Variants in SLC2A13 observed in about 807,000 individuals in gnomAD.
SLC2A13 encodes the protein solute carrier family 2 member 13.
SLC2A13 carries 32 observed loss-of-function variants against 64.4 expected under a neutral mutation model. The observed-to-expected ratio is 0.50, with a 90% CI of 0.37 to 0.67. The LOEUF is 0.67. SLC2A13 is among the 30% of genes least tolerant of loss of function. The pLI, the probability that SLC2A13 is intolerant of heterozygous loss-of-function variation, is 0.00. For missense variants in SLC2A13, 743 were observed against 829.2 expected (o/e 0.90, Z 1.28); for synonymous variants, 338 against 327.1 (o/e 1.03, Z -0.36).
chr12:39,978,801 C>T (rs572536225), intron 3 of SLC2A13, among the ~76,000 whole-genome samples: 3 of 152,066 alleles, frequency 2.0e-5, no homozygotes, highest in Non-Finnish European at 2.9e-5. Context: ...CCTGGAAGCT[C>T]GAACTGGGTG....
chr12:39,907,717 G>A (rs1221353712), intron 4 of SLC2A13: 2 of 151,306 alleles, frequency 1.3e-5, no homozygotes, highest in Admixed American at 6.7e-5. Flanking sequence ...CCTCTGACCT[G>A]TGAAACAGGA....
chr12:39,902,730 C>T (rs1216393978), intron 4 of SLC2A13, among the ~76,000 whole-genome samples: 1 of 151,646 alleles, frequency 6.6e-6, no homozygotes, highest in African/African-American at 2.4e-5. Context: ...CCTTTAGACA[C>T]TAAGATTAAA....
At chr12:39,880,427 G>A (rs1230407970) in intron 4 of SLC2A13, among the ~76,000 whole-genome samples, 2 of 152,056 alleles carry the variant, frequency 1.3e-5, no homozygotes, top group African/African-American at 2.4e-5. Flanking sequence ...ATTATAACAT[G>A]CAAGACATAA....
rs1939264791 is a variant in SLC2A13, at chr12:40,105,171, G to T, written c.556+82C>A. ...CCCTGGGAGACCAGACGGGGACCCC[G>T]ATGGGCAAGAGGCACGCAACACCCA... On this transcript the variant is annotated intron_variant, in intron 1 of 9. Transcript: ENST00000280871. This position sits in a 1 kb window ranked among gnomAD's most constrained non-coding sequence, Gnocchi z 4.2. 7.3e-7 allele frequency: 1 copy of T among 1,367,122 alleles called. No individual in the cohort carries two copies. 84.7% of individuals were successfully genotyped at this position (1,367,122 alleles called of 1,614,324 possible). A position where few individuals can be genotyped will look rare whatever the true frequency, so the allele number is the denominator to read the frequency against.
At chr12:39,785,745 A>C (rs1294367802) in intron 7 of SLC2A13, among the ~76,000 whole-genome samples, 1 of 152,126 alleles carries the variant, frequency 6.6e-6, no homozygotes, top group Admixed American at 6.5e-5. Context: ...GCCCAAGACC[A>C]TGGGAACCCA....
At chr12:39,865,477 T>A (rs936250231) in intron 5 of SLC2A13, among the ~76,000 whole-genome samples, 7 of 152,202 alleles carry the variant, frequency 4.6e-5, no homozygotes, top group Non-Finnish European at 8.8e-5. Context: ...CCTGTTGGTA[T>A]TTGAAAGTGA....
intron 4 of SLC2A13, among the ~76,000 whole-genome samples, chr12:39,893,169 G>A (rs1944653734): frequency 6.6e-6 from 1 of 152,130 alleles, no homozygotes; most frequent in African/African-American, 2.4e-5. Context: ...AACATATTCA[G>A]TCATTTAAAT....
intron 7 of SLC2A13, among the ~76,000 whole-genome samples, chr12:39,796,912 G>A (rs575201187): frequency 6.6e-5 from 10 of 152,266 alleles, no homozygotes; most frequent in Admixed American, 3.3e-4. Context: ...AAGTGAAGCT[G>A]CTTATTAAAG....
At chr12:39,772,130 A>C (rs1364373962) in intron 7 of SLC2A13, among the ~76,000 whole-genome samples, 1 of 152,006 alleles carries the variant, frequency 6.6e-6, no homozygotes, top group Non-Finnish European at 1.5e-5. Flanking sequence ...ATATTAATAT[A>C]CTCCTTCTTC....
intron 4 of SLC2A13, among the ~76,000 whole-genome samples, chr12:39,903,178 G>C (rs1296941269): frequency 6.6e-6 from 1 of 152,096 alleles, no homozygotes; most frequent in African/African-American, 2.4e-5. Flanking sequence ...AATCTGAATA[G>C]CATTATGAAC....
chr12:39,963,648 A>C (rs1946455237), intron 3 of SLC2A13, among the ~76,000 whole-genome samples: 2 of 152,214 alleles, frequency 1.3e-5, no homozygotes, highest in Admixed American at 6.5e-5. Context: ...GCTCCCAAGA[A>C]ATCAAGTATT....
intron 4 of SLC2A13, among the ~76,000 whole-genome samples, chr12:39,935,310 T>C (rs1370518177): frequency 6.6e-6 from 1 of 152,236 alleles, no homozygotes; most frequent in Admixed American, 6.5e-5. Context: ...TTATAGCCTG[T>C]CACTAATTCT....
chr12:39,891,594 G>C (rs749877619), intron 4 of SLC2A13, among the ~76,000 whole-genome samples: 4 of 152,134 alleles, frequency 2.6e-5, no homozygotes, highest in Non-Finnish European at 4.4e-5. Flanking sequence ...GATTAAGGCA[G>C]GAACTTGGAA....
In SLC2A13 at chr12:39,995,667, T is replaced by C. The variant is rs76069103; in HGVS notation, c.925+32634A>G. On this transcript the variant is annotated intron_variant, in intron 3 of 9. Transcript: ENST00000280871. ...CCAAATGTAGCTTTGACATCTGATATGGTTTGGCTGTGTCCCCACCCAAAT... is the reference window on the plus strand; with the variant it reads ...CCAAATGTAGCTTTGACATCTGATACGGTTTGGCTGTGTCCCCACCCAAAT... Among the ~76,000 whole-genome samples, 1,143 of 152,332 alleles carry C rather than the reference T, an allele frequency of 7.5e-3. 14 individuals are homozygous for C. The highest frequency in any genetic ancestry group is 0.026 in the African/African-American group (1,085 of 41,574).
intron 7 of SLC2A13, among the ~76,000 whole-genome samples, chr12:39,803,004 T>C (rs190859021): frequency 1.3e-5 from 2 of 152,140 alleles, no homozygotes; most frequent in Non-Finnish European, 2.9e-5. Context: ...GTATCTTCCA[T>C]GGGCCCCTTG....
chr12:40,080,534 G>C (rs1938356571), intron 1 of SLC2A13, among the ~76,000 whole-genome samples: 1 of 152,156 alleles, frequency 6.6e-6, no homozygotes. Context: ...GGGATTACAG[G>C]CATGTGCCAC....
intron 6 of SLC2A13, among the ~76,000 whole-genome samples, chr12:39,851,070 T>G: frequency 6.6e-6 from 1 of 152,044 alleles, no homozygotes; most frequent in East Asian, 1.9e-4. Context: ...CAGCTAATTT[T>G]TGTATCTTTA....
chr12:39,930,563 T>C (rs1945809063), intron 4 of SLC2A13, among the ~76,000 whole-genome samples: 1 of 152,118 alleles, frequency 6.6e-6, no homozygotes, highest in Non-Finnish European at 1.5e-5. Context: ...CACTTAAAAA[T>C]ACAGTTGTTA....
At chr12:39,934,051 A>G in intron 4 of SLC2A13, among the ~76,000 whole-genome samples, 1 of 152,228 alleles carries the variant, frequency 6.6e-6, no homozygotes, top group East Asian at 1.9e-4. Context: ...CAATATTGTT[A>G]GATAGTCTGT....
Sources: gnomAD v4.1 joint callset for allele counts (sites outside exome capture counted in the v4.1 genomes callset) on GRCh38, gnomAD v4.1.1 for gene constraint, Gnocchi (gnomAD v3.1) non-coding constraint, MANE v1.5 for transcripts, NCBI Gene and HGNC (gene_info 2026-07-23, HGNC 2026-07-21) for gene names.